SLC4A10: variants seen among roughly 807,000 people sequenced by gnomAD.
SLC4A10 encodes the protein sodium-driven chloride bicarbonate exchanger.
In SLC4A10, 42 loss-of-function variants were observed where a neutral mutation model predicts 137.7. The ratio of observed to expected loss-of-function variants is 0.30; its 90% CI spans 0.24 to 0.39. SLC4A10 has a LOEUF of 0.39. Among genes scored for constraint, SLC4A10 ranks in the 10% least tolerant of loss-of-function variants. The probability of loss-of-function intolerance (pLI) is 1.00; values close to 1 mark genes in which losing one functional copy is unlikely to be tolerated. For synonymous variants in SLC4A10, 474 were observed against 464.1 expected (o/e 1.02, Z -0.27); for missense variants, 925 against 1,355.0 (o/e 0.68, Z 4.98).
chr2:161,967,792 A>C (rs553299013), intron 23 of SLC4A10, among the ~76,000 whole-genome samples: 31 of 152,188 alleles, frequency 2.0e-4, no homozygotes, highest in Non-Finnish European at 4.3e-4. Context: ...ACTCTTGTTT[A>C]TATCAATTAG....
At chr2:161,684,387 T>G (rs1409013558) in intron 1 of SLC4A10, among the ~76,000 whole-genome samples, 4 of 152,186 alleles carry the variant, frequency 2.6e-5, no homozygotes, top group Non-Finnish European at 5.9e-5. Flanking sequence ...ATATTCCCTT[T>G]TCTAGTTCTG....
At chr2:161,799,285 T>C (rs981932526) in intron 2 of SLC4A10, among the ~76,000 whole-genome samples, 1 of 151,934 alleles carries the variant, frequency 6.6e-6, no homozygotes, top group African/African-American at 2.4e-5. Flanking sequence ...TTAGGATTAA[T>C]AATTGTCAAG....
intron 3 of SLC4A10, among the ~76,000 whole-genome samples, chr2:161,818,671 A>C (rs536484514): frequency 6.6e-6 from 1 of 152,250 alleles, no homozygotes; most frequent in South Asian, 2.1e-4. Flanking sequence ...TAATTTATTG[A>C]GAGTTTTTAG....
At chr2:161,842,093 A>T (rs2059220118) in intron 4 of SLC4A10, among the ~76,000 whole-genome samples, 1 of 152,144 alleles carries the variant, frequency 6.6e-6, no homozygotes, top group African/African-American at 2.4e-5. Flanking sequence ...GTTAGTCTTG[A>T]TAGACATTTA....
In SLC4A10 at chr2:161,841,186, T is replaced by C. The variant is rs559965025; in HGVS notation, c.416+1259T>C. 7.2e-5 allele frequency among the ~76,000 whole-genome samples: 11 copies of C among 152,276 alleles called. No homozygotes were observed. The South Asian group carries it at 2.3e-3, about 32-fold the overall frequency. On this transcript the variant is annotated intron_variant, in intron 4 of 26. Coordinates refer to ENST00000446997, the MANE Select transcript of SLC4A10 (RefSeq NM_001178015.2). ...TCTGCCTCCCTGGTTCAAGCCATTC[T>C]CCTGCCCCAGCCTCCCTAGTAGCTG...
chr2:161,712,014 T>C (rs1322105157), intron 1 of SLC4A10, among the ~76,000 whole-genome samples: 2 of 151,922 alleles, frequency 1.3e-5, no homozygotes, highest in African/African-American at 4.8e-5. Flanking sequence ...CAAGACTTTG[T>C]AACAGTCATC....
intron 15 of SLC4A10, 41 bp downstream of exon 15, chr2:161,905,928 T>G: frequency 6.5e-7 from 1 of 1,536,526 alleles, no homozygotes; most frequent in South Asian, 1.3e-5. Context: ...GCTTTTCTTT[T>G]GACAAATATT....
intron 1 of SLC4A10, among the ~76,000 whole-genome samples, chr2:161,632,080 G>A (rs1456118504): frequency 6.6e-6 from 1 of 151,650 alleles, no homozygotes; most frequent in Non-Finnish European, 1.5e-5. Flanking sequence ...AACTCCACTT[G>A]TTCTTGCTAA....
At chr2:161,827,373 A>G (rs1184917060) in intron 3 of SLC4A10, among the ~76,000 whole-genome samples, 1 of 152,202 alleles carries the variant, frequency 6.6e-6, no homozygotes, top group African/African-American at 2.4e-5. Context: ...CAAAGTTAGC[A>G]TATGCAAAAC....
chr2:161,675,715 T>G lies in SLC4A10; in HGVS notation c.48+51149T>G, dbSNP rs977961606. ...ATGGACCTTTTTTTCTAATATTTTC[T>G]GTTAAATGATTTCTACATTTTGTTA... is the stretch of plus-strand genomic sequence containing the variant. On this transcript the variant is annotated intron_variant, in intron 1 of 26. Transcript: ENST00000446997. Among the ~76,000 whole-genome samples the G allele has an allele frequency of 2.0e-5, 3 of 152,172 alleles. No individual in the cohort carries two copies. The South Asian group carries it at 6.2e-4, about 31-fold the overall frequency.
chr2:161,774,115 T>C (rs1438228502), intron 2 of SLC4A10, among the ~76,000 whole-genome samples: 8 of 151,912 alleles, frequency 5.3e-5, no homozygotes, highest in Non-Finnish European at 1.0e-4. Flanking sequence ...GTGAAGGGTA[T>C]TGAATCTCTG....
intron 1 of SLC4A10, among the ~76,000 whole-genome samples, chr2:161,639,810 T>C (rs972856693): frequency 6.6e-6 from 1 of 152,156 alleles, no homozygotes; most frequent in African/African-American, 2.4e-5. Flanking sequence ...GTCATTTAAA[T>C]TGGAAATGAG....
chr2:161,745,112 A>C (rs557388937), intron 1 of SLC4A10, among the ~76,000 whole-genome samples: 17 of 152,126 alleles, frequency 1.1e-4, no homozygotes, highest in Admixed American at 3.3e-4. Context: ...AGGTTTGGAA[A>C]GTTCTCTGTT....
intron 1 of SLC4A10, among the ~76,000 whole-genome samples, chr2:161,670,604 G>A (rs751444531): frequency 1.3e-5 from 2 of 151,914 alleles, no homozygotes; most frequent in Non-Finnish European, 2.9e-5. Flanking sequence ...TTTATTATGG[G>A]ATATTTATAA....
At chr2:161,844,277 T>A (rs976062733) in intron 4 of SLC4A10, among the ~76,000 whole-genome samples, 4 of 152,176 alleles carry the variant, frequency 2.6e-5, no homozygotes, top group Non-Finnish European at 4.4e-5. Context: ...GCATTTGATC[T>A]TCAAAATTAG....
intron 2 of SLC4A10, among the ~76,000 whole-genome samples, chr2:161,800,663 G>A (rs771720656): frequency 3.9e-5 from 6 of 152,010 alleles, no homozygotes; most frequent in South Asian, 2.1e-4. Context: ...AGGCAGTATC[G>A]AAGAGAATGA....
chr2:161,698,250 C>T (rs2042751016), intron 1 of SLC4A10, among the ~76,000 whole-genome samples: 1 of 152,198 alleles, frequency 6.6e-6, no homozygotes, highest in African/African-American at 2.4e-5. Flanking sequence ...ATGTTATCTG[C>T]AAACAGGACA....
chr2:161,640,055 T>C (rs2105476973), intron 1 of SLC4A10, among the ~76,000 whole-genome samples: 1 of 152,340 alleles, frequency 6.6e-6, no homozygotes, highest in East Asian at 1.9e-4. Flanking sequence ...TTATTCTTTC[T>C]GCATTTAGAT....
chr2:161,916,857 G>T (rs1260995919), intron 15 of SLC4A10, among the ~76,000 whole-genome samples: 1 of 151,988 alleles, frequency 6.6e-6, no homozygotes, highest in Non-Finnish European at 1.5e-5. Flanking sequence ...CCTTCTCTCT[G>T]TCTCGCCTAC....
Sources: gnomAD v4.1 joint callset for allele counts (sites outside exome capture counted in the v4.1 genomes callset) on GRCh38, gnomAD v4.1.1 for gene constraint, MANE v1.5 for transcripts, NCBI Gene and HGNC (gene_info 2026-07-23, HGNC 2026-07-21) for gene names.